The following RAPGEF1 variants were observed in gnomAD, a reference collection of about 807,000 sequenced individuals.
The protein encoded by RAPGEF1 is Rap guanine nucleotide exchange factor 1.
Under a neutral mutation model 143.3 loss-of-function variants are expected in RAPGEF1, and 33 were observed. The observed-to-expected ratio is 0.23, with a 90% CI of 0.17 to 0.31. The LOEUF (loss-of-function observed/expected upper bound fraction) is 0.31, where lower values mean the gene tolerates loss of function less well. RAPGEF1 is among the 10% of genes least tolerant of loss of function. The pLI, the probability that RAPGEF1 is intolerant of heterozygous loss-of-function variation, is 1.00. For missense variants in RAPGEF1, 1,199 were observed against 1,645.4 expected (o/e 0.73, Z 4.69); for synonymous variants, 629 against 676.5 (o/e 0.93, Z 1.09).
intron 1 of RAPGEF1, among the ~76,000 whole-genome samples, chr9:131,666,091 C>T (rs1005385743): frequency 5.3e-5 from 8 of 152,194 alleles, no homozygotes; most frequent in African/African-American, 1.7e-4. Flanking sequence ...ACAGCTATGA[C>T]ATTCAGTCTA....
intron 12 of RAPGEF1, among the ~76,000 whole-genome samples, chr9:131,607,314 G>A (rs939517989): frequency 6.6e-6 from 1 of 152,150 alleles, no homozygotes; most frequent in African/African-American, 2.4e-5. Context: ...GGTACACCCT[G>A]GCTTGCCGCC....
At position 131,641,046 on chromosome 9, in the gene RAPGEF1, T is replaced by G. The variant is rs968345578; in HGVS notation, c.494+2193A>C. On this transcript the variant is annotated intron_variant, in intron 4 of 26. Transcript: ENST00000683357. This position sits in a 1 kb window ranked among gnomAD's most constrained non-coding sequence, Gnocchi z 4.6. ...AGGAAATGGTTATAGACATTCAATGTCAATTAAGAGCCACCCCTCAATAGA... is the reference window on the plus strand; with the variant it reads ...AGGAAATGGTTATAGACATTCAATGGCAATTAAGAGCCACCCCTCAATAGA... Among the ~76,000 whole-genome samples the G allele has an allele frequency of 1.3e-5, 2 of 152,114 alleles. No homozygotes were observed. Among genetic ancestry groups the G allele is most frequent in the African/African-American group, 4.8e-5 (2 of 41,398 alleles).
chr9:131,685,060 A>G (rs1833227357), intron 1 of RAPGEF1, among the ~76,000 whole-genome samples: 1 of 152,254 alleles, frequency 6.6e-6, no homozygotes, highest in Admixed American at 6.5e-5. Context: ...CACTGCCGTG[A>G]GTATTCCTTC....
intron 1 of RAPGEF1, among the ~76,000 whole-genome samples, chr9:131,677,838 C>T (rs574915857): frequency 2.0e-5 from 3 of 152,176 alleles, no homozygotes; most frequent in African/African-American, 4.8e-5. Flanking sequence ...GGCCTTAACA[C>T]GAGTCTTGGT....
chr9:131,638,773 G>A lies in RAPGEF1; in HGVS notation c.513C>T (p.Cys171=). 1 of 1,613,880 alleles carries A rather than the reference G, an allele frequency of 6.2e-7. No homozygotes were observed. The highest frequency in any genetic ancestry group is 1.1e-5 in the South Asian group (1 of 91,076). The change falls in exon 5 of 27, where the codon TGC becomes TGT. Residue 171 remains cysteine, a synonymous_variant. Transcript: ENST00000683357. ...RIQHSSALSS[C]YSRVYQSLAN... is the part of the protein sequence containing the mutation. Reference sequence around the variant, plus strand: ...CGAGGCTTTGGTACACTCGGCTATAGCAGGAAGAGAGGGCTGAGCTACAGG... The same window carrying A: ...CGAGGCTTTGGTACACTCGGCTATAACAGGAAGAGAGGGCTGAGCTACAGG...
intron 5 of RAPGEF1, among the ~76,000 whole-genome samples, chr9:131,638,210 GAA>G (rs545678473): frequency 4.6e-5 from 7 of 152,210 alleles, no homozygotes; most frequent in Non-Finnish European, 1.0e-4. Context: ...AGTAAATACA[GAA>G]AGTTCCATTT....
intron 12 of RAPGEF1, among the ~76,000 whole-genome samples, chr9:131,606,813 C>T (rs921827563): frequency 3.9e-5 from 6 of 151,948 alleles, no homozygotes; most frequent in South Asian, 4.2e-4. Flanking sequence ...TTTGTAGAAA[C>T]GGGGTCTTTC....
intron 20 of RAPGEF1, 40 bp from the exon 21 acceptor site, chr9:131,588,066 G>A: frequency 6.5e-7 from 1 of 1,549,276 alleles, no homozygotes; most frequent in African/African-American, 1.4e-5. Context: ...CAGGGGTGGG[G>A]AGGCCGGTGG....
At chr9:131,610,306 C>T (rs1406930915) in intron 12 of RAPGEF1, among the ~76,000 whole-genome samples, 1 of 151,884 alleles carries the variant, frequency 6.6e-6, no homozygotes, top group Non-Finnish European at 1.5e-5. Flanking sequence ...GTCTGCTCAT[C>T]AGCGGCTGAG....
chr9:131,695,366 A>G (rs780759300), intron 1 of RAPGEF1, among the ~76,000 whole-genome samples: 6 of 152,216 alleles, frequency 3.9e-5, no homozygotes, highest in Non-Finnish European at 8.8e-5. Flanking sequence ...AGCAGGCCAC[A>G]CGATAGAGGT....
In RAPGEF1 at chr9:131,596,352, G is replaced by A. The variant is rs1351541945; in HGVS notation, c.2635C>T (p.Arg879Cys). Residue 879 changes from arginine (R) to cysteine (C), a missense_variant, in exon 17 of 27, where the codon CGC becomes TGC. Arg to Cys is a radical substitution (Grantham distance 180). Around this residue, in one of 6 missense-constraint regions of RAPGEF1, gnomAD observed 209 missense variants for 403.0 expected, o/e 0.52. Transcript: ENST00000683357. The part of the protein sequence containing the change: ...KQEGDDGPDV[R>C]GGSGDILLVH... ...AGTAAGATGTCCCCAGATCCTCCGC[G>A]GACGTCCGGCCCGTCATCACCCTGT... 15 of 1,613,824 alleles carry A rather than the reference G, an allele frequency of 9.3e-6. No homozygotes were observed. The highest frequency in any genetic ancestry group is 1.1e-5 in the South Asian group (1 of 91,076).
rs973548362 is a variant in RAPGEF1, at chr9:131,675,468, TA to T, written c.62-24520del. On this transcript the variant is annotated intron_variant, in intron 1 of 26. Transcript: ENST00000683357. The surrounding 1 kb of genome is among the most constrained non-coding windows in gnomAD (Gnocchi z 4.6). ...ATGAGAAAGGATTAATTCAGAAATCTAAAAATGGTCCCCAACAGGCTGAGAA... is the reference window on the plus strand; with the variant it reads ...ATGAGAAAGGATTAATTCAGAAATCTAAAATGGTCCCCAACAGGCTGAGAA... Among the ~76,000 whole-genome samples the T allele has an allele frequency of 6.6e-6, 1 of 152,176 alleles. No individual in the cohort carries two copies. The highest frequency in any genetic ancestry group is 2.4e-5 in the African/African-American group (1 of 41,448).
intron 1 of RAPGEF1, among the ~76,000 whole-genome samples, chr9:131,714,776 C>T (rs981363046): frequency 6.7e-6 from 1 of 149,744 alleles, no homozygotes; most frequent in African/African-American, 2.5e-5. Context: ...GGTGCAATCA[C>T]AGCTCACTGC....
At chr9:131,653,424 G>T (rs939575327) in intron 1 of RAPGEF1, among the ~76,000 whole-genome samples, 10 of 152,180 alleles carry the variant, frequency 6.6e-5, no homozygotes, top group Non-Finnish European at 1.2e-4. Context: ...TAAGGGACTT[G>T]TATACAGAAA....
intron 17 of RAPGEF1, among the ~76,000 whole-genome samples, chr9:131,594,996 G>A (rs1051500196): frequency 1.3e-5 from 2 of 152,242 alleles, no homozygotes; most frequent in African/African-American, 4.8e-5. Context: ...TCACTGCAGA[G>A]AAGCCAAGCA....
intron 1 of RAPGEF1, among the ~76,000 whole-genome samples, chr9:131,728,929 T>A (rs1836845815): frequency 6.6e-6 from 1 of 152,242 alleles, no homozygotes; most frequent in African/African-American, 2.4e-5. Flanking sequence ...ATTTTCCCCA[T>A]TTTACAGATA....
At chr9:131,602,455 CAGGGACTGGGCTCT>C in intron 14 of RAPGEF1, among the ~76,000 whole-genome samples, 1 of 152,326 alleles carries the variant, frequency 6.6e-6, no homozygotes, top group South Asian at 2.1e-4. Context: ...CGAGCACAGC[CAGGGACTGGGCTCT>C]AGGCTGTGCC....
chr9:131,729,969 C>T (rs940580545), intron 1 of RAPGEF1, among the ~76,000 whole-genome samples: 1 of 151,710 alleles, frequency 6.6e-6, no homozygotes, highest in Non-Finnish European at 1.5e-5. Flanking sequence ...CCGAGGCGGG[C>T]AGATCACGAG....
chr9:131,665,478 C>T (rs1319369662), intron 1 of RAPGEF1, among the ~76,000 whole-genome samples: 1 of 152,142 alleles, frequency 6.6e-6, no homozygotes, highest in East Asian at 1.9e-4. Flanking sequence ...CGATGGCTTT[C>T]TAACTGTCCC....
Sources: allele counts gnomAD v4.1 joint callset (sites outside exome capture counted in the v4.1 genomes callset), GRCh38; gene constraint gnomAD v4.1.1; regional missense constraint gnomAD v4.1.1; non-coding constraint Gnocchi (gnomAD v3.1); transcripts MANE v1.5; gene names NCBI Gene and HGNC (gene_info 2026-07-23, HGNC 2026-07-21).